The following ZNF346 variants were observed in gnomAD, a reference collection of about 807,000 sequenced individuals.
The protein encoded by ZNF346 is double-stranded RNA-binding zinc finger protein JAZ.
In ZNF346, 23 loss-of-function variants were observed where a neutral mutation model predicts 33.7. The observed-to-expected ratio is 0.68, with a 90% CI of 0.49 to 0.97. The LOEUF (loss-of-function observed/expected upper bound fraction) is 0.97, where lower values mean the gene tolerates loss of function less well. ZNF346 is among the 50% of genes least tolerant of loss of function. ZNF346 has a pLI of 0.00. For synonymous variants in ZNF346, 134 were observed against 142.4 expected (o/e 0.94, Z 0.42); for missense variants, 340 against 371.1 (o/e 0.92, Z 0.69).
At chr5:177,032,531 C>A (rs766026603) in intron 1 of ZNF346, among the ~76,000 whole-genome samples, 13 of 152,114 alleles carry the variant, frequency 8.5e-5, no homozygotes, top group Non-Finnish European at 1.8e-4. Context: ...CTGCCTCAGC[C>A]TGCTGAGTTA....
chr5:177,030,942 C>T (rs1371682603), intron 1 of ZNF346, among the ~76,000 whole-genome samples: 3 of 124,290 alleles, frequency 2.4e-5, no homozygotes, highest in African/African-American at 6.2e-5. Context: ...TTTTTTGAGA[C>T]GACATTTTGC....
chr5:177,027,140 C>T (rs1561960245), intron 1 of ZNF346, among the ~76,000 whole-genome samples: 2 of 151,136 alleles, frequency 1.3e-5, no homozygotes, highest in African/African-American at 4.9e-5. Context: ...GCAACCTTTG[C>T]CTCCCGGGTT....
intron 5 of ZNF346, among the ~76,000 whole-genome samples, chr5:177,061,741 A>G (rs1782580409): frequency 6.6e-6 from 1 of 152,230 alleles, no homozygotes; most frequent in Non-Finnish European, 1.5e-5. Context: ...CACTTAGCAC[A>G]GTCAAGGTAG....
intron 1 of ZNF346, among the ~76,000 whole-genome samples, chr5:177,024,592 G>A (rs932882445): frequency 1.3e-5 from 2 of 152,088 alleles, no homozygotes; most frequent in African/African-American, 4.8e-5. Flanking sequence ...CTCTGGACCC[G>A]GAACTGGTTG....
chr5:177,023,324 C>T (rs780784297), intron 1 of ZNF346: 1 of 950,558 alleles, frequency 1.1e-6, no homozygotes. Flanking sequence ...CCTCCCTTCT[C>T]TCAAGCCCCA....
In ZNF346 at chr5:177,064,497, C is replaced by T; in HGVS notation, c.798-15C>T. The T allele has an allele frequency of 1.2e-6, 2 of 1,608,602 alleles. No individual in the cohort carries two copies. Among genetic ancestry groups the T allele is most frequent in the Non-Finnish European group, 1.7e-6 (2 of 1,174,900 alleles). Reference sequence around the variant, plus strand: ...CACACACTGACCCTCTTCCTTTGTTCCTTCTCAAATACAGGTCACCAAAAA... The same window carrying T: ...CACACACTGACCCTCTTCCTTTGTTTCTTCTCAAATACAGGTCACCAAAAA... On this transcript the variant is annotated splice_polypyrimidine_tract_variant and intron_variant, in intron 6 of 6. Transcript: ENST00000358149.
chr5:177,032,612 C>T (rs148519264), intron 1 of ZNF346, among the ~76,000 whole-genome samples: 31 of 152,078 alleles, frequency 2.0e-4, no homozygotes, highest in Admixed American at 1.6e-3. Flanking sequence ...GGTTTTACCA[C>T]GTTGGCCAGC....
rs1667656781 is a variant in ZNF346 at position 177,065,552 on chromosome 5, C to T, written c.*953C>T. On this transcript the variant is annotated 3_prime_UTR_variant, in exon 7 of 7. Transcript: ENST00000358149. ...TGTGGTGCTAGCCTTCCCCATCATC[C>T]ACCGGGTGATTTCTGGGTCCCAGGG... 1 of 152,668 alleles carries T rather than the reference C, an allele frequency of 6.6e-6. No individual in the cohort carries two copies. The highest frequency in any genetic ancestry group is 1.5e-5 in the Non-Finnish European group (1 of 68,078). 9.5% of individuals were successfully genotyped at this position (152,668 alleles called of 1,614,324 possible).
At chr5:177,035,633 C>CTTTT (rs57259759) in intron 1 of ZNF346, among the ~76,000 whole-genome samples, 2 of 102,036 alleles carry the variant, frequency 2.0e-5, no homozygotes, top group Admixed American at 1.1e-4. Flanking sequence ...GGCTAATTGA[C>CTTTT]TTTTTTTTTT....
At chr5:177,038,311 C>G (rs970025925) in intron 1 of ZNF346, among the ~76,000 whole-genome samples, 1 of 149,576 alleles carries the variant, frequency 6.7e-6, no homozygotes, top group Non-Finnish European at 1.5e-5. Context: ...GTGGCTCTCC[C>G]TGTGTTGCCC....
At chr5:177,027,938 C>T (rs542153464) in intron 1 of ZNF346, among the ~76,000 whole-genome samples, 5 of 149,076 alleles carry the variant, frequency 3.4e-5, no homozygotes, top group African/African-American at 1.2e-4. Flanking sequence ...TGCGCCATGG[C>T]ACCCAGCTGG....
chr5:177,073,372 C>G (rs1783595187), intron 8 of ZNF346, among the ~76,000 whole-genome samples: 2 of 152,206 alleles, frequency 1.3e-5, no homozygotes, highest in Admixed American at 6.5e-5. Context: ...GGTGCAAACA[C>G]AGCTCATTGC....
intron 6 of ZNF346, among the ~76,000 whole-genome samples, chr5:177,064,170 T>TA (rs1367203857): frequency 2.0e-5 from 3 of 152,208 alleles, no homozygotes; most frequent in Admixed American, 2.0e-4. Context: ...AATGAGTTTT[T>TA]ATAGGGCCCT....
At position 177,050,227 on chromosome 5, in the gene ZNF346, C is replaced by G. The variant is rs140855604; in HGVS notation, c.518-524C>G. Among the ~76,000 whole-genome samples the G allele has an allele frequency of 9.5e-3, 1,445 of 152,280 alleles. 8 individuals carry two copies. The highest frequency in any genetic ancestry group is 0.025 in the South Asian group (121 of 4,822). ...AGTATGGTTACCTTTTCTGAATGAC[C>G]TTGTATGAGCTCCAGGAACTCAAGC... On this transcript the variant is annotated intron_variant, in intron 4 of 6. Coordinates refer to ENST00000358149, the MANE Select transcript of ZNF346 (RefSeq NM_012279.4).
exon 9 of ZNF346, chr5:177,079,925 T>G (rs1272819914): frequency 6.6e-6 from 1 of 152,116 alleles, no homozygotes; most frequent in Non-Finnish European, 1.5e-5. Context: ...AGGTCTAGAG[T>G]ATCCGAGACC....
At chr5:177,038,721 T>C (rs1052630775) in intron 1 of ZNF346, among the ~76,000 whole-genome samples, 7 of 152,064 alleles carry the variant, frequency 4.6e-5, no homozygotes, top group African/African-American at 1.7e-4. Context: ...CTGAATATGC[T>C]TGAAACCTCA....
rs549022579 is a variant in ZNF346, at chr5:177,077,814, A to G, written c.*3-1568A>G. 6.6e-6 allele frequency among the ~76,000 whole-genome samples: 1 copy of G among 152,242 alleles called. No homozygotes were observed. Among genetic ancestry groups the G allele is most frequent in the Admixed American group, 6.5e-5 (1 of 15,298 alleles). ...TTACCAGAGAGAGGAAAAGGGTTTT[A>G]ATGTCCAGTTTAGGGTGGCCAGGAG... On this transcript the variant is annotated intron_variant, in intron 8 of 8. Coordinates refer to the ZNF346 transcript ENST00000503039. The surrounding 1 kb of genome is among the most constrained non-coding windows in gnomAD (Gnocchi z 5.0).
intron 1 of ZNF346, among the ~76,000 whole-genome samples, chr5:177,030,782 C>A (rs1317144514): frequency 6.6e-6 from 1 of 152,058 alleles, no homozygotes; most frequent in Non-Finnish European, 1.5e-5. Context: ...TACCTAGGAG[C>A]AATCATCCCT....
At chr5:177,059,420 G>T (rs1195724429) in intron 5 of ZNF346, among the ~76,000 whole-genome samples, 1 of 152,116 alleles carries the variant, frequency 6.6e-6, no homozygotes, top group Non-Finnish European at 1.5e-5. Flanking sequence ...ATTACCCAGG[G>T]TATCCAAATC....
Sources: gnomAD v4.1 joint callset for allele counts (sites outside exome capture counted in the v4.1 genomes callset) on GRCh38, gnomAD v4.1.1 for gene constraint, Gnocchi (gnomAD v3.1) non-coding constraint, MANE v1.5 for transcripts, NCBI Gene and HGNC (gene_info 2026-07-23, HGNC 2026-07-21) for gene names.